MAPK14: variants seen among roughly 807,000 people sequenced by gnomAD.
MAPK14 encodes the protein CSAID-binding protein.
MAPK14 carries 16 observed loss-of-function variants against 49.6 expected under a neutral mutation model. That is an observed-to-expected ratio of 0.32 (90% CI 0.22 to 0.49). MAPK14 has a LOEUF of 0.49. MAPK14 is among the 20% of genes least tolerant of loss of function. The pLI is 0.99. For synonymous variants in MAPK14, 142 were observed against 158.0 expected (o/e 0.90, Z 0.76); for missense variants, 200 against 441.2 (o/e 0.45, Z 4.90).
intron 1 of MAPK14, among the ~76,000 whole-genome samples, chr6:36,050,553 C>T (rs1297502473): frequency 6.6e-6 from 1 of 152,008 alleles, no homozygotes; most frequent in African/African-American, 2.4e-5. Flanking sequence ...GTTGAAGTTG[C>T]CAAGAATGAT....
rs549858975 is a variant in MAPK14, at chr6:36,107,975, T to C, written c.1015+347T>C. ...TATGTCTTATCAGTTAACTTAGAAC[T>C]AGTTAGGGACATAGCCAGGAATGGA... On this transcript the variant is annotated intron_variant, in intron 11 of 11. Transcript: ENST00000229794. The surrounding 1 kb of genome is among the most constrained non-coding windows in gnomAD (Gnocchi z 4.3). Among the ~76,000 whole-genome samples the C allele has an allele frequency of 3.9e-5, 6 of 152,270 alleles. No homozygotes were observed. The highest frequency in any genetic ancestry group is 1.3e-4 in the Admixed American group (2 of 15,296).
chr6:36,124,160 C>CTTCCTTCG, the MAPK14 span, among the ~76,000 whole-genome samples: 1 of 134,606 alleles, frequency 7.4e-6, no homozygotes, highest in African/African-American at 2.8e-5. Context: ...CCCTTCCTTC[C>CTTCCTTCG]TTCCTTCCTT....
intron 1 of MAPK14, among the ~76,000 whole-genome samples, chr6:36,050,302 T>C (rs1763343754): frequency 6.6e-6 from 1 of 152,148 alleles, no homozygotes; most frequent in Non-Finnish European, 1.5e-5. Flanking sequence ...AGAAGAGGGC[T>C]GAAGGATAGA....
chr6:36,058,150 A>G (rs1449297499), intron 2 of MAPK14, among the ~76,000 whole-genome samples: 2 of 152,040 alleles, frequency 1.3e-5, no homozygotes, highest in Non-Finnish European at 2.9e-5. Flanking sequence ...TCATTTTTAA[A>G]TTGTCTGATT....
At chr6:36,095,229 A>G (rs1479782299) in intron 8 of MAPK14, among the ~76,000 whole-genome samples, 1 of 152,188 alleles carries the variant, frequency 6.6e-6, no homozygotes, top group Non-Finnish European at 1.5e-5. Flanking sequence ...ATTGTGGCCT[A>G]TTATTTAGAG....
chr6:36,089,959 T>C (rs1177333166), intron 8 of MAPK14, among the ~76,000 whole-genome samples: 3 of 152,206 alleles, frequency 2.0e-5, no homozygotes, highest in Non-Finnish European at 4.4e-5. Flanking sequence ...CTTGCTGTTG[T>C]TTTCCTTTTC....
intron 1 of MAPK14, among the ~76,000 whole-genome samples, chr6:36,041,087 A>G (rs1762943267): frequency 6.6e-6 from 1 of 152,182 alleles, no homozygotes; most frequent in South Asian, 2.1e-4. Flanking sequence ...TAGGCACATT[A>G]TGTATTCTGG....
At chr6:36,076,867 A>G in intron 8 of MAPK14, 1 of 334,486 alleles carries the variant, frequency 3.0e-6, no homozygotes, top group Non-Finnish European at 5.5e-6. Flanking sequence ...ACAGTCCCTT[A>G]TTAATCATCC....
At chr6:36,102,690 G>A (rs753203354) in intron 10 of MAPK14, 41 bp downstream of exon 10, 1 of 1,608,430 alleles carries the variant, frequency 6.2e-7, no homozygotes, top group East Asian at 2.2e-5. Flanking sequence ...ATATTGAATT[G>A]GTTATGATAT....
downstream of MAPK14, among the ~76,000 whole-genome samples, chr6:36,112,464 T>G (rs568401213): frequency 7.2e-5 from 11 of 152,344 alleles, no homozygotes; most frequent in African/African-American, 2.6e-4. Context: ...GACAAAAGCA[T>G]GTTCATAATT....
At chr6:36,052,605 A>G in intron 1 of MAPK14, 94 bp from the exon 2 acceptor site, 1 of 1,172,034 alleles carries the variant, frequency 8.5e-7, no homozygotes. Flanking sequence ...ATTTTGTTAT[A>G]GACCCTTTAA....
Position 36,102,621 on chromosome 6 carries a change from G to A in MAPK14, c.813G>A (p.Ala271=), listed in dbSNP as rs145344045. The change falls in exon 10 of 12, where the codon GCG becomes GCA. Residue 271 remains alanine, a synonymous_variant. Coordinates refer to ENST00000229794, the MANE Select transcript of MAPK14 (RefSeq NM_139012.3). ...SLTQMPKMNF[A]NVFIGANPLA... ...CTCAGATGCCGAAGATGAACTTTGC[G>A]AATGTATTTATTGGTGCCAATCCCC... is the stretch of plus-strand genomic sequence containing the variant. 1.4e-4 allele frequency: 219 copies of A among 1,613,870 alleles called. No individual in the cohort carries two copies. The highest frequency in any genetic ancestry group is 3.3e-4 in the Middle Eastern group (2 of 6,084).
chr6:36,095,078 A>T (rs1765392612), intron 8 of MAPK14, among the ~76,000 whole-genome samples: 2 of 152,188 alleles, frequency 1.3e-5, no homozygotes, highest in South Asian at 4.1e-4. Context: ...ATTTTATAAT[A>T]TTTTTCCCCC....
At chr6:36,049,281 C>A (rs986952776) in intron 1 of MAPK14, among the ~76,000 whole-genome samples, 27 of 152,102 alleles carry the variant, frequency 1.8e-4, no homozygotes, top group African/African-American at 6.5e-4. Context: ...AAAGTAAATT[C>A]TATTTTAGGG....
chr6:36,086,816 A>C (rs1182065729), intron 8 of MAPK14, among the ~76,000 whole-genome samples: 4 of 152,248 alleles, frequency 2.6e-5, no homozygotes, highest in Non-Finnish European at 5.9e-5. Flanking sequence ...TCCCAATACC[A>C]AAGCCTGCCA....
intron 9 of MAPK14, 83 bp from the exon 10 acceptor site, chr6:36,102,488 G>A (rs769897129): frequency 3.6e-5 from 38 of 1,045,770 alleles, no homozygotes; most frequent in South Asian, 3.3e-4. Context: ...GTTAACACTC[G>A]TTCCTTAGCA....
Position 36,075,842 on chromosome 6 carries a change from C to T in MAPK14, c.496-6C>T, listed in dbSNP as rs746989878. On this transcript the variant is annotated splice_region_variant and splice_polypyrimidine_tract_variant and intron_variant, in intron 6 of 11. Coordinates refer to ENST00000229794, the MANE Select transcript of MAPK14 (RefSeq NM_139012.3). ...GCAGTTTGTCTGTTCCTCTTCTGCCCTTTAGATTCTGGATTTTGGACTGGC... is the reference window on the plus strand; with the variant it reads ...GCAGTTTGTCTGTTCCTCTTCTGCCTTTTAGATTCTGGATTTTGGACTGGC... The T allele has an allele frequency of 7.4e-6, 12 of 1,613,600 alleles. No homozygotes were observed. The South Asian group carries it at 8.8e-5, about 12-fold the overall frequency.
At chr6:36,064,491 G>C (rs1763966870) in intron 3 of MAPK14, among the ~76,000 whole-genome samples, 1 of 152,132 alleles carries the variant, frequency 6.6e-6, no homozygotes, top group Non-Finnish European at 1.5e-5. Flanking sequence ...CATTCTTGAA[G>C]AGGGAAATGG....
intron 1 of MAPK14, among the ~76,000 whole-genome samples, chr6:36,039,662 T>C (rs1306270316): frequency 6.6e-6 from 1 of 152,164 alleles, no homozygotes; most frequent in Non-Finnish European, 1.5e-5. Context: ...CTATACTAGA[T>C]ATTTTGTTTA....
Sources: gnomAD v4.1 joint callset for allele counts (sites outside exome capture counted in the v4.1 genomes callset) on GRCh38, gnomAD v4.1.1 for gene constraint, Gnocchi (gnomAD v3.1) non-coding constraint, MANE v1.5 for transcripts, NCBI Gene and HGNC (gene_info 2026-07-23, HGNC 2026-07-21) for gene names.